Variants in GALNTL6 observed in about 807,000 individuals in gnomAD.
The protein encoded by GALNTL6 is polypeptide N-acetylgalactosaminyltransferase like 6.
GALNTL6 carries 46 observed loss-of-function variants against 73.7 expected under a neutral mutation model. That is an observed-to-expected ratio of 0.62 (90% CI 0.49 to 0.80). The LOEUF (loss-of-function observed/expected upper bound fraction) is 0.80. Ranked by LOEUF, GALNTL6 falls within the 30% of genes least tolerant of loss-of-function variation. The pLI, the probability that GALNTL6 is intolerant of heterozygous loss-of-function variation, is 0.00. For synonymous variants in GALNTL6, 259 were observed against 263.7 expected (o/e 0.98, Z 0.17); for missense variants, 604 against 755.0 (o/e 0.80, Z 2.34).
At chr4:171,952,551 T>A (rs1738917761) in intron 2 of GALNTL6, among the ~76,000 whole-genome samples, 1 of 152,100 alleles carries the variant, frequency 6.6e-6, no homozygotes, top group South Asian at 2.1e-4. Flanking sequence ...TTTTTAGGGA[T>A]GCTGTTTAAC....
intron 5 of GALNTL6, among the ~76,000 whole-genome samples, chr4:172,537,538 T>C (rs1735388443): frequency 6.6e-6 from 1 of 152,234 alleles, no homozygotes; most frequent in Non-Finnish European, 1.5e-5. Context: ...CATGTAGAAC[T>C]GTGAGTCCTC....
chr4:172,353,704 A>C (rs34180643), intron 5 of GALNTL6, among the ~76,000 whole-genome samples: 1 of 150,860 alleles, frequency 6.6e-6, no homozygotes, highest in South Asian at 2.1e-4. Context: ...CAAGTTCACA[A>C]GGAAAAAATA....
At chr4:171,903,954 TAACA>T (rs1337414464) in intron 2 of GALNTL6, among the ~76,000 whole-genome samples, 2 of 152,002 alleles carry the variant, frequency 1.3e-5, no homozygotes, top group African/African-American at 4.8e-5. Context: ...GAAGGAAAAC[TAACA>T]AACAGAAAGG....
chr4:172,843,282 T>C (rs1178195380), intron 7 of GALNTL6, among the ~76,000 whole-genome samples: 1 of 152,256 alleles, frequency 6.6e-6, no homozygotes, highest in East Asian at 1.9e-4. Context: ...GCTTTACTTC[T>C]GTTCTGCCTC....
intron 5 of GALNTL6, among the ~76,000 whole-genome samples, chr4:172,558,999 A>G (rs1210317985): frequency 6.6e-6 from 1 of 150,988 alleles, no homozygotes; most frequent in Non-Finnish European, 1.5e-5. Flanking sequence ...TTTAGAATTA[A>G]AAGATTTACA....
At chr4:172,338,218 A>G (rs1267277450) in intron 4 of GALNTL6, among the ~76,000 whole-genome samples, 2 of 152,084 alleles carry the variant, frequency 1.3e-5, no homozygotes, top group African/African-American at 2.4e-5. Flanking sequence ...CTTGAATATC[A>G]TTCATCTTCC....
intron 2 of GALNTL6, among the ~76,000 whole-genome samples, chr4:171,877,242 A>G (rs1326190111): frequency 6.6e-6 from 1 of 152,198 alleles, no homozygotes. Context: ...AAGTGTGGCT[A>G]CGAATTACCC....
chr4:172,996,848 G>T (rs948372091), intron 10 of GALNTL6, among the ~76,000 whole-genome samples: 1 of 5,892 alleles, frequency 1.7e-4, no homozygotes, highest in East Asian at 0.1. Flanking sequence ...TTTCAGAAAT[G>T]GATTTTTTTA....
intron 8 of GALNTL6, among the ~76,000 whole-genome samples, chr4:172,921,834 A>G (rs1236177675): frequency 6.6e-6 from 1 of 151,890 alleles, no homozygotes; most frequent in East Asian, 1.9e-4. Flanking sequence ...GCATGTATTC[A>G]TTCACAGGTG....
chr4:172,055,783 G>T (rs1162757484), intron 2 of GALNTL6, among the ~76,000 whole-genome samples: 2 of 152,112 alleles, frequency 1.3e-5, no homozygotes. Context: ...GTTAACGTGG[G>T]CCAGTTATCA....
chr4:172,620,827 T>TC (rs1738924262), intron 5 of GALNTL6, among the ~76,000 whole-genome samples: 1 of 152,184 alleles, frequency 6.6e-6, no homozygotes, highest in Non-Finnish European at 1.5e-5. Context: ...TATTTCAAGG[T>TC]ATTTTCCACA....
At chr4:172,619,422 T>C (rs1248237942) in intron 5 of GALNTL6, among the ~76,000 whole-genome samples, 1 of 152,192 alleles carries the variant, frequency 6.6e-6, no homozygotes, top group Non-Finnish European at 1.5e-5. Context: ...CTTTCTCAGA[T>C]AACAAAACGA....
intron 7 of GALNTL6, 91 bp downstream of exon 7, chr4:172,813,814 A>G (rs2111000437): frequency 1.0e-6 from 1 of 979,580 alleles, no homozygotes; most frequent in Non-Finnish European, 1.5e-6. Context: ...ATTATCTCTA[A>G]CAAAATGGAA....
At chr4:172,500,371 T>C (rs757023955) in intron 5 of GALNTL6, among the ~76,000 whole-genome samples, 59 of 152,150 alleles carry the variant, frequency 3.9e-4, no homozygotes, top group Non-Finnish European at 7.5e-4. Context: ...TAGTGAGCCA[T>C]AATAGCATCA....
rs534352121 is a variant in GALNTL6, at chr4:172,833,952, T to A, written c.923+20229T>A. Among the ~76,000 whole-genome samples the A allele has an allele frequency of 2.1e-3, 316 of 152,158 alleles. 1 individual carries two copies. Among genetic ancestry groups the A allele is most frequent in the African/African-American group, 7.5e-3 (313 of 41,512 alleles). ...CAACATGGTAAAACCCCGTCTCTAC[T>A]AAAAATACAACAAAAATAGCTGAGC... On this transcript the variant is annotated intron_variant, in intron 7 of 12. Transcript: ENST00000506823.
At chr4:171,916,426 G>T (rs1419048277) in intron 2 of GALNTL6, among the ~76,000 whole-genome samples, 2 of 152,064 alleles carry the variant, frequency 1.3e-5, no homozygotes, top group Admixed American at 1.3e-4. Flanking sequence ...AACTTCAAAG[G>T]CTTATATGTA....
At chr4:171,896,182 A>T (rs148150501) in intron 2 of GALNTL6, among the ~76,000 whole-genome samples, 3 of 152,358 alleles carry the variant, frequency 2.0e-5, no homozygotes, top group African/African-American at 7.2e-5. Context: ...TTTAATGAAG[A>T]ATACTTAAAA....
chr4:172,301,404 C>G (rs942527625), intron 3 of GALNTL6, among the ~76,000 whole-genome samples: 1 of 152,214 alleles, frequency 6.6e-6, no homozygotes, highest in Non-Finnish European at 1.5e-5. Context: ...TGTTCCATTG[C>G]TCGTGAGGAG....
At chr4:172,038,710 C>A (rs1219472712) in intron 2 of GALNTL6, among the ~76,000 whole-genome samples, 2 of 152,262 alleles carry the variant, frequency 1.3e-5, no homozygotes, top group African/African-American at 2.4e-5. Context: ...GCAAAGCCTG[C>A]AGTTATGTTG....
Sources: allele counts gnomAD v4.1 joint callset (sites outside exome capture counted in the v4.1 genomes callset), GRCh38; gene constraint gnomAD v4.1.1; transcripts MANE v1.5; gene names NCBI Gene and HGNC (gene_info 2026-07-23, HGNC 2026-07-21).